Variants in LHFPL3 observed in about 807,000 individuals in gnomAD.
LHFPL3 encodes the protein LHFPL tetraspan subfamily member 3 protein.
LHFPL3 carries 5 observed loss-of-function variants against 19.3 expected under a neutral mutation model. That is an observed-to-expected ratio of 0.26 (90% CI 0.14 to 0.54). The LOEUF is 0.54. Ranked by LOEUF, LHFPL3 falls within the 20% of genes least tolerant of loss-of-function variation. The probability of loss-of-function intolerance (pLI) is 0.94; values close to 1 mark genes in which losing one functional copy is unlikely to be tolerated. For synonymous variants in LHFPL3, 133 were observed against 126.2 expected (o/e 1.05, Z -0.36); for missense variants, 249 against 307.4 (o/e 0.81, Z 1.42).
At chr7:104,360,030 G>A (rs1436084037) in intron 1 of LHFPL3, among the ~76,000 whole-genome samples, 1 of 152,220 alleles carries the variant, frequency 6.6e-6, no homozygotes, top group Non-Finnish European at 1.5e-5. Context: ...TGCTTCAATT[G>A]CAGGACAGTC....
chr7:104,523,686 G>A (rs1210599779), intron 1 of LHFPL3, among the ~76,000 whole-genome samples: 5 of 152,230 alleles, frequency 3.3e-5, no homozygotes, highest in Admixed American at 2.0e-4. Flanking sequence ...CCATGTTGAG[G>A]TACCCTCCGA....
At chr7:104,736,405 C>G (rs868376503) in intron 1 of LHFPL3, among the ~76,000 whole-genome samples, 1 of 152,102 alleles carries the variant, frequency 6.6e-6, no homozygotes, top group Non-Finnish European at 1.5e-5. Context: ...TTTCGGGATG[C>G]TTGCGTTCAC....
chr7:104,734,551 C>T (rs894860533), intron 1 of LHFPL3, among the ~76,000 whole-genome samples: 7 of 152,180 alleles, frequency 4.6e-5, no homozygotes, highest in Non-Finnish European at 8.8e-5. Context: ...AGTTCTTGTG[C>T]CTTGGTTTTC....
chr7:104,542,665 G>C (rs1794509524), intron 1 of LHFPL3, among the ~76,000 whole-genome samples: 1 of 152,160 alleles, frequency 6.6e-6, no homozygotes, highest in Non-Finnish European at 1.5e-5. Flanking sequence ...TCGCAGGTGA[G>C]AAGTTGCTAA....
At chr7:104,498,096 C>T (rs1403586167) in intron 1 of LHFPL3, among the ~76,000 whole-genome samples, 1 of 152,198 alleles carries the variant, frequency 6.6e-6, no homozygotes, top group African/African-American at 2.4e-5. Flanking sequence ...TATCATGGAT[C>T]CTCAGTTTCT....
intron 1 of LHFPL3, among the ~76,000 whole-genome samples, chr7:104,712,606 G>C (rs967767442): frequency 1.3e-5 from 2 of 152,202 alleles, no homozygotes; most frequent in African/African-American, 4.8e-5. Flanking sequence ...GAGACCATGA[G>C]CCAAAGAATG....
At chr7:104,460,143 C>A (rs1462506284) in intron 1 of LHFPL3, among the ~76,000 whole-genome samples, 2 of 152,050 alleles carry the variant, frequency 1.3e-5, no homozygotes, top group Non-Finnish European at 2.9e-5. Flanking sequence ...GGATAATGAC[C>A]CCCAGCTCCA....
At chr7:104,840,241 C>T (rs1003873651) in intron 2 of LHFPL3, among the ~76,000 whole-genome samples, 1 of 150,826 alleles carries the variant, frequency 6.6e-6, no homozygotes, top group African/African-American at 2.4e-5. Flanking sequence ...CTCTGAAAGA[C>T]TTCTCAATTA....
intron 1 of LHFPL3, among the ~76,000 whole-genome samples, chr7:104,409,262 G>A (rs1370111383): frequency 6.6e-6 from 1 of 151,534 alleles, no homozygotes; most frequent in East Asian, 1.9e-4. Context: ...CAGACAAGTG[G>A]CCTTCCCACA....
chr7:104,405,560 C>T (rs139682137), intron 1 of LHFPL3, among the ~76,000 whole-genome samples: 19 of 152,190 alleles, frequency 1.2e-4, no homozygotes, highest in Admixed American at 1.0e-3. Flanking sequence ...ATAAGTACTA[C>T]GATTATTCCC....
chr7:104,714,741 T>C (rs1361853107), intron 1 of LHFPL3, among the ~76,000 whole-genome samples: 1 of 152,140 alleles, frequency 6.6e-6, no homozygotes, highest in Non-Finnish European at 1.5e-5. Context: ...GATAATTCAG[T>C]GCTTTGGTTA....
Position 104,857,987 on chromosome 7 carries a change from T to G in LHFPL3, c.683-48200T>G, listed in dbSNP as rs530411806. Among the ~76,000 whole-genome samples, 5 of 152,332 alleles carry G rather than the reference T, an allele frequency of 3.3e-5. No individual in the cohort carries two copies. The South Asian group carries it at 1.0e-3, about 32-fold the overall frequency. Reference sequence around the variant, plus strand: ...TAAAGTCAAGTAGGTAAATTCTAGCTGTGTCCCAGGTTACTTCCTGCTATG... The same window carrying G: ...TAAAGTCAAGTAGGTAAATTCTAGCGGTGTCCCAGGTTACTTCCTGCTATG... On this transcript the variant is annotated intron_variant, in intron 2 of 2. Coordinates refer to ENST00000424859, the MANE Select transcript of LHFPL3 (RefSeq NM_199000.3).
At chr7:104,756,739 A>G (rs1794292761) in intron 2 of LHFPL3, among the ~76,000 whole-genome samples, 1 of 152,100 alleles carries the variant, frequency 6.6e-6, no homozygotes, top group Non-Finnish European at 1.5e-5. Context: ...ACCTCAATTG[A>G]TCCACCCACT....
intron 1 of LHFPL3, among the ~76,000 whole-genome samples, chr7:104,616,893 GA>G (rs1188404784): frequency 5.3e-5 from 8 of 151,882 alleles, no homozygotes; most frequent in South Asian, 4.2e-4. Flanking sequence ...ACAAACATAT[GA>G]AAAAAAAGGT....
Position 104,607,142 on chromosome 7 carries a change from T to C in LHFPL3, c.446-129533T>C, listed in dbSNP as rs769680279. Among the ~76,000 whole-genome samples, 69 of 152,202 alleles carry C rather than the reference T, an allele frequency of 4.5e-4. 2 individuals are homozygous for C. Among genetic ancestry groups the C allele is most frequent in the Non-Finnish European group, 1.5e-4 (10 of 68,040 alleles). On this transcript the variant is annotated intron_variant, in intron 1 of 2. Coordinates refer to ENST00000424859, the MANE Select transcript of LHFPL3 (RefSeq NM_199000.3). Reference sequence around the variant, plus strand: ...TCCTAACCTTGGGGCCTTTCATTCATTTTGCAAAGGCAGTTTAGCTTTGGG... The same window carrying C: ...TCCTAACCTTGGGGCCTTTCATTCACTTTGCAAAGGCAGTTTAGCTTTGGG...
intron 1 of LHFPL3, among the ~76,000 whole-genome samples, chr7:104,384,252 TAAAG>T (rs1256836050): frequency 2.6e-5 from 4 of 151,916 alleles, no homozygotes; most frequent in African/African-American, 9.7e-5. Context: ...GTTTAAGAAT[TAAAG>T]AAAGATAAAA....
intron 2 of LHFPL3, among the ~76,000 whole-genome samples, chr7:104,811,506 T>C (rs1358172045): frequency 3.3e-5 from 5 of 152,048 alleles, no homozygotes; most frequent in African/African-American, 1.2e-4. Flanking sequence ...TAGCTCTAAG[T>C]GAGATTCCTA....
intron 1 of LHFPL3, among the ~76,000 whole-genome samples, chr7:104,479,396 CTT>C (rs35217752): frequency 3.2e-4 from 47 of 147,078 alleles, no homozygotes; most frequent in South Asian, 6.6e-4. Context: ...TCTTCCACTT[CTT>C]TTTTTTTTTT....
chr7:104,425,607 G>A (rs569931744), intron 1 of LHFPL3, among the ~76,000 whole-genome samples: 9 of 152,170 alleles, frequency 5.9e-5, no homozygotes, highest in Non-Finnish European at 1.2e-4. Flanking sequence ...AAGGGAAAAA[G>A]TGTAGCTGAA....
Sources: gnomAD v4.1 joint callset for allele counts (sites outside exome capture counted in the v4.1 genomes callset) on GRCh38, gnomAD v4.1.1 for gene constraint, MANE v1.5 for transcripts, NCBI Gene and HGNC (gene_info 2026-07-23, HGNC 2026-07-21) for gene names.